UBR2: variants seen among roughly 807,000 people sequenced by gnomAD.
UBR2 encodes the protein E3 ubiquitin-protein ligase UBR2.
In UBR2, 92 loss-of-function variants were observed where a neutral mutation model predicts 247.9. The ratio of observed to expected loss-of-function variants is 0.37; its 90% CI spans 0.31 to 0.44. UBR2 has a LOEUF of 0.44. Ranked by LOEUF, UBR2 falls within the 20% of genes least tolerant of loss-of-function variation. UBR2 has a pLI of 1.00. For synonymous variants in UBR2, 672 were observed against 693.5 expected, an observed-to-expected ratio of 0.97 and a Z score of 0.49; for missense variants, 1,613 against 2,112.6, an observed-to-expected ratio of 0.76 and a Z score of 4.64.
chr6:42,652,748 G>A lies in UBR2; in HGVS notation c.2769+103G>A, dbSNP rs927105385. 6.4e-6 allele frequency: 7 copies of A among 1,095,364 alleles called. No homozygotes were observed. In the East Asian group the frequency reaches 1.4e-4, roughly 22 times the overall value. The allele number at this position is 1,095,364 out of a possible 1,614,324, so 67.9% of individuals were successfully genotyped here. A position where few individuals can be genotyped will look rare whatever the true frequency, so the allele number is the denominator to read the frequency against. Reference sequence around the variant, plus strand: ...CAGGAAAACTAGGCCGAAATGTATTGTGTTTTCCTAACTTGAATATATTGT... The same window carrying A: ...CAGGAAAACTAGGCCGAAATGTATTATGTTTTCCTAACTTGAATATATTGT... On this transcript the variant is annotated intron_variant, in intron 25 of 46. Transcript: ENST00000372901.
At chr6:42,629,357 A>G (rs1019094018) in intron 11 of UBR2, among the ~76,000 whole-genome samples, 1 of 151,968 alleles carries the variant, frequency 6.6e-6, no homozygotes, top group Non-Finnish European at 1.5e-5. Context: ...AATTGTAGGC[A>G]TAAAAATTAA....
intron 2 of UBR2, among the ~76,000 whole-genome samples, chr6:42,576,519 C>G (rs971391010): frequency 9.4e-5 from 14 of 148,810 alleles, no homozygotes; most frequent in Non-Finnish European, 1.6e-4. Context: ...GTGGCCTTTC[C>G]CTCTTTTTTT....
At chr6:42,685,049 C>T (rs1799298614) in intron 44 of UBR2, among the ~76,000 whole-genome samples, 178 bp downstream of exon 44, 1 of 152,126 alleles carries the variant, frequency 6.6e-6, no homozygotes, top group South Asian at 2.1e-4. Context: ...CACGGTGGCT[C>T]ACGCCTGTAA....
At chr6:42,682,910 T>C (rs1350166407) in intron 42 of UBR2, 145 bp from the exon 43 acceptor site, 1 of 645,800 alleles carries the variant, frequency 1.5e-6, no homozygotes, top group Non-Finnish European at 2.6e-6. Flanking sequence ...GTAGGCAAAA[T>C]AGTATTTCTA....
chr6:42,571,711 C>G (rs539892646), intron 1 of UBR2, among the ~76,000 whole-genome samples: 2 of 144,864 alleles, frequency 1.4e-5, no homozygotes, highest in African/African-American at 5.2e-5. Flanking sequence ...CCACTGCACT[C>G]CAGCCTGGGC....
chr6:42,657,909 A>T (rs1195859286), intron 26 of UBR2, 115 bp from the exon 27 acceptor site: 13 of 683,122 alleles, frequency 1.9e-5, no homozygotes, highest in South Asian at 2.2e-5. Flanking sequence ...GTAGAGCCAT[A>T]ATCAAATTAT....
intron 2 of UBR2, among the ~76,000 whole-genome samples, chr6:42,591,936 C>T (rs1792688779): frequency 6.6e-6 from 1 of 152,164 alleles, no homozygotes; most frequent in East Asian, 1.9e-4. Flanking sequence ...CCTTGAAAGA[C>T]TCCCTAGCAC....
Position 42,614,215 on chromosome 6 carries a change from TATACACAC to T in UBR2, c.986-854_986-847del, listed in dbSNP as rs1406821853. On this transcript the variant is annotated intron_variant, in intron 8 of 46. Coordinates refer to ENST00000372901, the MANE Select transcript of UBR2 (RefSeq NM_001363705.2). ...AAAAAAAAAAAAAAAACTATATATA[TATACACAC>T]ACACACACACACACACACACACGCG... is the stretch of plus-strand genomic sequence containing the variant. Among the ~76,000 whole-genome samples, 3 of 50,064 alleles carry T rather than the reference TATACACAC, an allele frequency of 6.0e-5. 1 individual carries two copies. Among genetic ancestry groups the T allele is most frequent in the Non-Finnish European group, 8.7e-5 (2 of 22,970 alleles). The allele number at this position is 50,064 out of a possible 152,430, so 32.8% of individuals were successfully genotyped here.
rs780352647 is a variant in UBR2, at chr6:42,663,312, A to C, written c.3591A>C (p.Leu1197Phe). 20 of 1,613,800 alleles carry C rather than the reference A, an allele frequency of 1.2e-5. No individual in the cohort carries two copies. Among genetic ancestry groups the C allele is most frequent in the Non-Finnish European group, 1.5e-5 (18 of 1,179,898 alleles). The change falls in exon 32 of 47, where the codon TTA (leucine) becomes TTC (phenylalanine). Residue 1197 changes from leucine (L) to phenylalanine (F), a missense_variant. Physicochemically the swap from Leu to Phe is conservative, Grantham distance 22. This residue lies in a region of UBR2 where 1,524 missense variants were observed against 1,967.3 expected (regional missense o/e 0.77). Transcript: ENST00000372901. ...KEQRRQQRLR[L>F]HTSYDVENGE... The stretch of plus-strand genomic sequence containing the variant: ...AGCGAAGGCAACAGAGATTACGCTT[A>C]CATACGAGCTATGATGTAGAAAACG...
chr6:42,675,889 G>A (rs1798692737), intron 38 of UBR2, among the ~76,000 whole-genome samples, 167 bp from the exon 39 acceptor site: 2 of 152,084 alleles, frequency 1.3e-5, no homozygotes, highest in South Asian at 2.1e-4. Context: ...CCCAGGAGGT[G>A]GATGTTGCAG....
intron 44 of UBR2, among the ~76,000 whole-genome samples, chr6:42,686,334 G>A (rs937923421): frequency 2.0e-5 from 3 of 151,410 alleles, no homozygotes; most frequent in South Asian, 4.2e-4. Flanking sequence ...ATCTTGCACC[G>A]CCCTTAATCC....
intron 30 of UBR2, 61 bp from the exon 31 acceptor site, chr6:42,662,123 T>TTTGTTATAGGAAAA (rs1172337168): frequency 5.3e-5 from 58 of 1,094,112 alleles, no homozygotes; most frequent in Non-Finnish European, 7.5e-5. Flanking sequence ...AAGTTACACA[T>TTTGTTATAGGAAAA]TTGTTATAGG....
intron 11 of UBR2, among the ~76,000 whole-genome samples, chr6:42,617,974 C>G (rs190685283): frequency 6.0e-4 from 92 of 152,220 alleles, no homozygotes; most frequent in African/African-American, 2.2e-3. Flanking sequence ...CACGAGTTGC[C>G]CATAAAGGCA....
At chr6:42,667,783 A>T in intron 34 of UBR2, among the ~76,000 whole-genome samples, 1 of 135,538 alleles carries the variant, frequency 7.4e-6, no homozygotes, top group African/African-American at 2.8e-5. Flanking sequence ...TTTTTGAGAC[A>T]GAGTCTCACT....
At chr6:42,630,565 C>T (rs1795653848) in intron 11 of UBR2, among the ~76,000 whole-genome samples, 1 of 151,910 alleles carries the variant, frequency 6.6e-6, no homozygotes, top group African/African-American at 2.4e-5. Flanking sequence ...TGTTAACATT[C>T]ACCTGAAACT....
At chr6:42,668,151 C>T (rs1470803838) in intron 34 of UBR2, among the ~76,000 whole-genome samples, 1 of 152,150 alleles carries the variant, frequency 6.6e-6, no homozygotes, top group Non-Finnish European at 1.5e-5. Context: ...CTCCTACAGT[C>T]AGGAGGGGGC....
Position 42,690,378 on chromosome 6 carries a change from G to A in UBR2, c.5127-654G>A, listed in dbSNP as rs76157093. Among the ~76,000 whole-genome samples the A allele has an allele frequency of 3.6e-3, 548 of 152,318 alleles. 30 individuals carry two copies. The East Asian group carries it at 0.093, about 26-fold the overall frequency. The stretch of plus-strand genomic sequence containing the variant: ...GTGCTGGTGCTTCCCACTGTTCTCA[G>A]CGTGGGCTGTTAGGAGGAGGAGAGT... On this transcript the variant is annotated intron_variant, in intron 46 of 46. Coordinates refer to ENST00000372901, the MANE Select transcript of UBR2 (RefSeq NM_001363705.2).
intron 30 of UBR2, among the ~76,000 whole-genome samples, chr6:42,661,718 A>G (rs566940516): frequency 3.9e-5 from 6 of 152,154 alleles, no homozygotes; most frequent in African/African-American, 1.4e-4. Flanking sequence ...TCGCTGTATG[A>G]GTGTTGTTAG....
At chr6:42,680,890 C>T (rs900449658) in intron 42 of UBR2, among the ~76,000 whole-genome samples, 6 of 151,342 alleles carry the variant, frequency 4.0e-5, no homozygotes, top group African/African-American at 1.2e-4. Flanking sequence ...GGCGGGGGCG[C>T]GGTGGCTCAC....
Sources: allele counts gnomAD v4.1 joint callset (sites outside exome capture counted in the v4.1 genomes callset), GRCh38; gene constraint gnomAD v4.1.1; regional missense constraint gnomAD v4.1.1; transcripts MANE v1.5; gene names NCBI Gene and HGNC (gene_info 2026-07-23, HGNC 2026-07-21).